Variants in CARD8 observed in about 807,000 individuals in gnomAD.
The protein encoded by CARD8 is caspase recruitment domain family member 8, also known as caspase recruitment domain-containing protein 8.
Under a neutral mutation model 53.2 loss-of-function variants are expected in CARD8, and 38 were observed. The observed-to-expected ratio is 0.71, with a 90% confidence interval of 0.55 to 0.94. The LOEUF is 0.94. Ranked by LOEUF, CARD8 falls within the 40% of genes least tolerant of loss-of-function variation. CARD8 has a pLI of 0.00. For missense variants in CARD8, 561 were observed against 655.5 expected (o/e 0.86, Z 1.57); for synonymous variants, 245 against 244.9 (o/e 1.00, Z 0.00).
At chr19:48,250,093 T>C (rs969214908) in intron 1 of CARD8, among the ~76,000 whole-genome samples, 4 of 152,222 alleles carry the variant, frequency 2.6e-5, no homozygotes, top group African/African-American at 7.2e-5. Context: ...ACATTGTAAC[T>C]GTAATCCTTT....
intron 13 of CARD8, among the ~76,000 whole-genome samples, chr19:48,214,368 G>A (rs1224372254): frequency 6.6e-6 from 1 of 152,198 alleles, no homozygotes; most frequent in East Asian, 1.9e-4. Context: ...GCCGTCTCCT[G>A]ACAGAGAGAA....
chr19:48,238,298 G>A (rs2078852878), intron 5 of CARD8, 85 bp downstream of exon 5: 1 of 1,463,754 alleles, frequency 6.8e-7, no homozygotes, highest in Non-Finnish European at 9.0e-7. Flanking sequence ...TAACCTGCAT[G>A]TCTTTGCTTC....
chr19:48,221,571 C>T (rs73572976), intron 11 of CARD8, among the ~76,000 whole-genome samples, 159 bp downstream of exon 11: 5,804 of 152,144 alleles, frequency 0.038, 350 homozygotes, highest in African/African-American at 0.13. Flanking sequence ...TGGAAATATG[C>T]AATATGATTA....
chr19:48,211,844 T>TGCAAGC lies in CARD8; in HGVS notation c.1479_1480insGCTTGC (p.Lys493_Thr494insAlaCys), dbSNP rs1568623526. 1 of 1,614,174 alleles carries TGCAAGC rather than the reference T, an allele frequency of 6.2e-7. No homozygotes were observed. Among genetic ancestry groups the TGCAAGC allele is most frequent in the South Asian group, 1.1e-5 (1 of 91,084 alleles). On this transcript the variant is annotated inframe_insertion, in exon 14 of 14. Coordinates refer to ENST00000651546, the MANE Select transcript of CARD8 (RefSeq NM_001184900.3). ...AAGGCCTCATTCTTGCTCTGCCGTGTCTTTTCCTGCTCCACCAGCTCCTTC... is the reference window on the plus strand; with the variant it reads ...AAGGCCTCATTCTTGCTCTGCCGTGTGCAAGCCTTTTCCTGCTCCACCAGCTCCTTC...
chr19:48,234,614 G>T (rs2043536633), intron 5 of CARD8, 71 bp from the exon 6 acceptor site: 1 of 1,417,272 alleles, frequency 7.1e-7, no homozygotes, highest in Non-Finnish European at 9.6e-7. Flanking sequence ...GGCTGTGCAG[G>T]AAGATTTTAT....
intron 12 of CARD8, among the ~76,000 whole-genome samples, chr19:48,218,185 ATT>A (rs1428983432): frequency 6.6e-6 from 1 of 150,964 alleles, no homozygotes; most frequent in Non-Finnish European, 1.5e-5. Context: ...TGGCAAGAAC[ATT>A]TTATTTTATT....
rs2042843704 is a variant in CARD8, at chr19:48,231,335, C to T, written c.542+325G>A. On this transcript the variant is annotated intron_variant, in intron 8 of 13. Coordinates refer to ENST00000651546, the MANE Select transcript of CARD8 (RefSeq NM_001184900.3). ...ATTTATTTATTTTGAGACAAAGTCT[C>T]GCTCTGTCTCCTAGGCTGCAGTGCA... is the stretch of plus-strand genomic sequence containing the variant. 2.0e-5 allele frequency among the ~76,000 whole-genome samples: 3 copies of T among 152,126 alleles called. No individual in the cohort carries two copies. The South Asian group carries it at 6.2e-4, about 32-fold the overall frequency.
intron 10 of CARD8, among the ~76,000 whole-genome samples, chr19:48,225,512 G>A (rs1291349889): frequency 6.6e-6 from 1 of 152,002 alleles, no homozygotes; most frequent in African/African-American, 2.4e-5. Flanking sequence ...AATAAAGGGA[G>A]GGATGGACCA....
intron 5 of CARD8, among the ~76,000 whole-genome samples, chr19:48,237,267 G>T (rs1275521776): frequency 6.6e-6 from 1 of 151,968 alleles, no homozygotes; most frequent in Non-Finnish European, 1.5e-5. Flanking sequence ...GTCATATGAT[G>T]TCAGCAGGAG....
chr19:48,220,093 G>A (rs933804167), intron 11 of CARD8, among the ~76,000 whole-genome samples: 3 of 152,106 alleles, frequency 2.0e-5, no homozygotes, highest in Non-Finnish European at 4.4e-5. Context: ...AATGTTTATG[G>A]AAGGTTCTGC....
chr19:48,235,469 G>C (rs2043706385), intron 5 of CARD8, among the ~76,000 whole-genome samples: 1 of 152,128 alleles, frequency 6.6e-6, no homozygotes, highest in Admixed American at 6.6e-5. Context: ...CTTCTGCCAT[G>C]ATGGTGAGGC....
At chr19:48,235,851 AAAAG>A (rs1464389647) in intron 5 of CARD8, among the ~76,000 whole-genome samples, 1 of 152,204 alleles carries the variant, frequency 6.6e-6, no homozygotes, top group Non-Finnish European at 1.5e-5. Context: ...AAAGCAAAAA[AAAAG>A]AAAGAAAATA....
chr19:48,212,047 G>C (rs1013863362), intron 13 of CARD8, 72 bp from the exon 14 acceptor site: 6 of 1,457,052 alleles, frequency 4.1e-6, no homozygotes, highest in Non-Finnish European at 5.6e-6. Context: ...ACCAAGCTTA[G>C]AGTCAAAATT....
intron 10 of CARD8, chr19:48,223,952 C>T (rs115223532): frequency 3.2e-4 from 144 of 449,354 alleles, no homozygotes; most frequent in South Asian, 2.2e-3. Context: ...TAGAAATGTA[C>T]TGCAACCCCC....
intron 12 of CARD8, among the ~76,000 whole-genome samples, chr19:48,216,054 C>A (rs905333432): frequency 3.3e-5 from 5 of 150,814 alleles, no homozygotes; most frequent in African/African-American, 1.2e-4. Context: ...GACTTCTGGG[C>A]AGAACATGAG....
intron 11 of CARD8, among the ~76,000 whole-genome samples, chr19:48,221,008 A>AGCAAGCAAAAG (rs1555806506): frequency 1.2e-4 from 15 of 122,038 alleles, no homozygotes; most frequent in African/African-American, 4.9e-4. Flanking sequence ...GAAAGAAAGA[A>AGCAAGCAAAAG]AAAGAAAGAA....
At chr19:48,238,778 T>A (rs991491017) in intron 4 of CARD8, among the ~76,000 whole-genome samples, 1 of 150,510 alleles carries the variant, frequency 6.6e-6, no homozygotes, top group Non-Finnish European at 1.5e-5. Flanking sequence ...TCCTTAGAGA[T>A]ACTATCCTTA....
intron 3 of CARD8, among the ~76,000 whole-genome samples, chr19:48,246,815 A>G (rs945887667): frequency 1.3e-5 from 2 of 152,198 alleles, no homozygotes; most frequent in Non-Finnish European, 2.9e-5. Context: ...TCTACTGACA[A>G]GGCTGTGGGA....
chr19:48,204,979 A>G (rs945170234), downstream of CARD8, among the ~76,000 whole-genome samples: 1 of 152,178 alleles, frequency 6.6e-6, no homozygotes, highest in Non-Finnish European at 1.5e-5. Context: ...CTGAAATTCA[A>G]ATTTAGCTGG....
Sources: allele counts gnomAD v4.1 joint callset (sites outside exome capture counted in the v4.1 genomes callset), GRCh38; gene constraint gnomAD v4.1.1; transcripts MANE v1.5; gene names NCBI Gene and HGNC (gene_info 2026-07-23, HGNC 2026-07-21).